The following RAPGEF2 variants were observed in gnomAD, a reference collection of about 807,000 sequenced individuals.
RAPGEF2 encodes PDZ domain containing guanine nucleotide exchange factor (GEF) 1.
RAPGEF2 carries 54 observed loss-of-function variants against 186.7 expected under a neutral mutation model. The ratio of observed to expected loss-of-function variants is 0.29; its 90% CI spans 0.23 to 0.36. RAPGEF2 has a LOEUF of 0.36. Ranked by LOEUF, RAPGEF2 falls within the 10% of genes least tolerant of loss-of-function variation. The pLI is 1.00. For missense variants in RAPGEF2, 1,532 were observed against 2,045.0 expected, an observed-to-expected ratio of 0.75 and a Z score of 4.84; for synonymous variants, 712 against 705.9, an observed-to-expected ratio of 1.01 and a Z score of -0.14.
chr4:159,188,525 G>A (rs780979429), intron 2 of RAPGEF2, among the ~76,000 whole-genome samples: 3 of 151,878 alleles, frequency 2.0e-5, no homozygotes, highest in East Asian at 1.9e-4. Flanking sequence ...TTAGCGGGGC[G>A]TGTTGGCAAA....
chr4:159,272,489 TAATG>T (rs775333021), intron 7 of RAPGEF2, among the ~76,000 whole-genome samples: 21 of 152,236 alleles, frequency 1.4e-4, no homozygotes, highest in Admixed American at 2.6e-4. Flanking sequence ...ATCTCTATCT[TAATG>T]AATCAGGATC....
At chr4:159,137,887 T>C (rs927200715) in intron 1 of RAPGEF2, among the ~76,000 whole-genome samples, 1 of 152,184 alleles carries the variant, frequency 6.6e-6, no homozygotes, top group Admixed American at 6.5e-5. Flanking sequence ...TTGAATTGAT[T>C]TAATGAGTTA....
chr4:159,282,284 C>T (rs1370680362), intron 7 of RAPGEF2, among the ~76,000 whole-genome samples: 1 of 152,102 alleles, frequency 6.6e-6, no homozygotes, highest in Non-Finnish European at 1.5e-5. Context: ...GATTTAAGAT[C>T]CTTTATTAAC....
chr4:159,338,996 G>A (rs1767859014), intron 18 of RAPGEF2, 118 bp from the exon 19 acceptor site: 1 of 1,182,670 alleles, frequency 8.5e-7, no homozygotes, highest in African/African-American at 1.5e-5. Flanking sequence ...GAGTAAGGGA[G>A]AGGTAAAAGT....
intron 12 of RAPGEF2, 35 bp from the exon 13 acceptor site, chr4:159,330,299 A>AG: frequency 1.2e-6 from 1 of 806,500 alleles, no homozygotes; most frequent in Non-Finnish European, 1.9e-6. Flanking sequence ...GTGTGTGTAT[A>AG]TATATGTAGT....
In RAPGEF2 at chr4:159,350,161, A is replaced by C; in HGVS notation, c.3737A>C (p.Lys1246Thr). The C allele has an allele frequency of 6.3e-7, 1 of 1,575,964 alleles. No individual in the cohort carries two copies. Among genetic ancestry groups the C allele is most frequent in the South Asian group, 1.2e-5 (1 of 82,478 alleles). ...GGCATAAACTCTCCACAAGCTTTAA[A>C]AAAAATTCTTTCTTTGTCTGAAGAA... is the stretch of plus-strand genomic sequence containing the variant. ...PFGINSPQAL[K>T]KILSLSEEGS... Residue 1246 changes from lysine (K) to threonine (T), a missense_variant, in exon 26 of 30, where the codon AAA (lysine) becomes ACA (threonine). By Grantham distance (78) the Lys-to-Thr change is moderately conservative. This residue lies in a region of RAPGEF2 where 594 missense variants were observed against 608.5 expected (regional missense o/e 0.98). Transcript: ENST00000691494.
At chr4:159,308,656 C>T (rs1195916042) in intron 8 of RAPGEF2, among the ~76,000 whole-genome samples, 1 of 152,138 alleles carries the variant, frequency 6.6e-6, no homozygotes, top group Non-Finnish European at 1.5e-5. Flanking sequence ...AATTTAGATG[C>T]TGTACACCAG....
intron 17 of RAPGEF2, 82 bp from the exon 18 acceptor site, chr4:159,338,229 T>G: frequency 3.2e-6 from 4 of 1,241,890 alleles, no homozygotes; most frequent in Middle Eastern, 2.1e-4. Context: ...TGGAATATGG[T>G]TTTTGGTCTG....
chr4:159,189,153 C>T (rs554019239), intron 2 of RAPGEF2, among the ~76,000 whole-genome samples: 49 of 152,312 alleles, frequency 3.2e-4, no homozygotes, highest in African/African-American at 1.1e-3. Flanking sequence ...TTCCACATGA[C>T]ACAGTTTTAC....
At chr4:159,208,731 A>AT (rs960941146) in intron 3 of RAPGEF2, among the ~76,000 whole-genome samples, 17 of 152,304 alleles carry the variant, frequency 1.1e-4, no homozygotes, top group South Asian at 4.1e-4. Context: ...ATTTGATGCA[A>AT]TTGACTATGT....
At position 159,331,551 on chromosome 4, in the gene RAPGEF2, G is replaced by A. The variant is rs781131941; in HGVS notation, c.1575+13G>A. 6.2e-7 allele frequency: 1 copy of A among 1,609,196 alleles called. No homozygotes were observed. Among genetic ancestry groups the A allele is most frequent in the Admixed American group, 1.7e-5 (1 of 59,850 alleles). ...TCTGGAAAGAGAGGTAATATTTGTG[G>A]TTTTTTTTAAGATCAGCTTAAAGTT... On this transcript the variant is annotated intron_variant, in intron 14 of 29. Coordinates refer to ENST00000691494, the MANE Select transcript of RAPGEF2 (RefSeq NM_001394067.2).
At position 159,339,192 on chromosome 4, in the gene RAPGEF2, C is replaced by T. The variant is rs1234477136; in HGVS notation, c.2372C>T (p.Ala791Val). ...ATCATGATCAGTAAGGACACTACAG[C>T]AAAGGAAGTGGTCATTCAGGCTATC... ...RYIMISKDTT[A>V]KEVVIQAIRE... Residue 791 changes from alanine to valine, a missense_variant, in exon 19 of 30, where the codon GCA (alanine) becomes GTA (valine). Transcript: ENST00000691494. 6.2e-7 allele frequency: 1 copy of T among 1,614,014 alleles called. No homozygotes were observed. Among genetic ancestry groups the T allele is most frequent in the Non-Finnish European group, 8.5e-7 (1 of 1,180,022 alleles).
chr4:159,305,048 C>CAT (rs1763115305), intron 8 of RAPGEF2, among the ~76,000 whole-genome samples: 1 of 152,108 alleles, frequency 6.6e-6, no homozygotes, highest in Admixed American at 6.6e-5. Flanking sequence ...TATTTCATTG[C>CAT]ATATATGTAC....
chr4:159,202,561 C>G (rs753505209), intron 3 of RAPGEF2, among the ~76,000 whole-genome samples: 1 of 152,096 alleles, frequency 6.6e-6, no homozygotes, highest in Non-Finnish European at 1.5e-5. Context: ...TGTTTTCTTT[C>G]AACTCTCTTT....
At chr4:159,319,844 C>T (rs1409024037) in intron 9 of RAPGEF2, among the ~76,000 whole-genome samples, 6 of 151,832 alleles carry the variant, frequency 4.0e-5, no homozygotes, top group Admixed American at 1.3e-4. Context: ...TAAGAGTCTG[C>T]CAAAAAGCAC....
At chr4:159,265,202 T>A (rs1403375731) in intron 7 of RAPGEF2, among the ~76,000 whole-genome samples, 1 of 152,120 alleles carries the variant, frequency 6.6e-6, no homozygotes, top group Non-Finnish European at 1.5e-5. Flanking sequence ...CTTGGTGCGG[T>A]GAACACAGGA....
intron 1 of RAPGEF2, among the ~76,000 whole-genome samples, chr4:159,165,005 T>A (rs1488512579): frequency 1.3e-5 from 2 of 152,178 alleles, no homozygotes; most frequent in Non-Finnish European, 2.9e-5. Flanking sequence ...TAGAGGAATA[T>A]ATTCTGCACA....
chr4:159,158,792 C>T (rs749495477), intron 1 of RAPGEF2, among the ~76,000 whole-genome samples: 7 of 152,118 alleles, frequency 4.6e-5, no homozygotes, highest in Non-Finnish European at 7.4e-5. Context: ...CGTTATTTGC[C>T]AGGTTGGACC....
chr4:159,243,183 T>A (rs182011609), intron 6 of RAPGEF2, among the ~76,000 whole-genome samples: 2 of 151,792 alleles, frequency 1.3e-5, no homozygotes, highest in African/African-American at 4.8e-5. Context: ...GAAAATTCAA[T>A]AGTAGGATGA....
Sources: allele counts gnomAD v4.1 joint callset (sites outside exome capture counted in the v4.1 genomes callset), GRCh38; gene constraint gnomAD v4.1.1; regional missense constraint gnomAD v4.1.1; transcripts MANE v1.5; gene names NCBI Gene and HGNC (gene_info 2026-07-23, HGNC 2026-07-21).